The following TYRP1 variants were observed in gnomAD, a reference collection of about 807,000 sequenced individuals.
TYRP1 encodes 5,6-dihydroxyindole-2-carboxylic acid oxidase.
In TYRP1, 49 loss-of-function variants were observed where a neutral mutation model predicts 42.8. That is an observed-to-expected ratio of 1.14 (90% CI 0.91 to 1.45). The LOEUF (loss-of-function observed/expected upper bound fraction) is 1.45. Among genes scored for constraint, TYRP1 ranks in the 40% most tolerant of loss-of-function variants. The pLI, the probability that TYRP1 is intolerant of heterozygous loss-of-function variation, is 0.00. For missense variants in TYRP1, 848 were observed against 662.0 expected (o/e 1.28, Z -3.08); for synonymous variants, 279 against 235.4 (o/e 1.19, Z -1.69).
rs41303679 is a variant in TYRP1 at position 12,710,231 on chromosome 9, T to C, written c.*1049T>C. On this transcript the variant is annotated 3_prime_UTR_variant, in exon 8 of 8. Transcript: ENST00000388918. ...ACTGTATAAGGTGGTCATAAGTGAATATTTTAATTAAAATTGGTAAAAATA... is the reference window on the plus strand; with the variant it reads ...ACTGTATAAGGTGGTCATAAGTGAACATTTTAATTAAAATTGGTAAAAATA... The C allele has an allele frequency of 6.8e-6, 1 of 147,344 alleles. No homozygotes were observed. Among genetic ancestry groups the C allele is most frequent in the East Asian group, 1.9e-4 (1 of 5,154 alleles). 9.1% of individuals were successfully genotyped at this position (147,344 alleles called of 1,614,324 possible).
chr9:12,700,455 T>G (rs926058512), intron 4 of TYRP1: 2 of 152,044 alleles, frequency 1.3e-5, no homozygotes, highest in African/African-American at 4.8e-5. Flanking sequence ...CATCTTTGAA[T>G]CAACATAGAA....
At position 12,693,941 on chromosome 9, in the gene TYRP1, C is replaced by G. The variant is rs2118216418; in HGVS notation, c.-56C>G. 2 of 1,609,286 alleles carry G rather than the reference C, an allele frequency of 1.2e-6. No individual in the cohort carries two copies. On this transcript the variant is annotated 5_prime_UTR_variant, in exon 2 of 8. Coordinates refer to ENST00000388918, the MANE Select transcript of TYRP1 (RefSeq NM_000550.3). ...ATTTTCCTCTACGTGCTTCAGTCTT[C>G]TCTACACAAAGAGCTGCAAACCAGG...
chr9:12,694,204 G>A lies in TYRP1; in HGVS notation c.208G>A (p.Ala70Thr), dbSNP rs61752864. 667 of 1,613,666 alleles carry A rather than the reference G, an allele frequency of 4.1e-4. No individual in the cohort carries two copies. The highest frequency in any genetic ancestry group is 5.3e-4 in the Non-Finnish European group (622 of 1,179,912). Residue 70 changes from alanine (A) to threonine (T), a missense_variant, in exon 2 of 8, where the codon GCA becomes ACA. By Grantham distance (58) the Ala-to-Thr change is moderately conservative. Transcript: ENST00000388918. ...GAGGGGCAGATGTGAGGCAGTGACT[G>A]CAGACTCCCGGCCCCACAGCCCTCA... Reference protein sequence around the residue: ...SGRGRCEAVTADSRPHSPQYP... With the variant: ...SGRGRCEAVTTDSRPHSPQYP...
chr9:12,698,635 C>A lies in TYRP1; in HGVS notation c.893C>A (p.Thr298Asn). ...TGTGACTCCTTGGAAGATTATGATA[C>A]CCTGGGAACACTTTGTAACAGTAAG... ...VVCDSLEDYD[T>N]LGTLCNSTED... is the part of the protein sequence containing the mutation. Residue 298 changes from threonine (T) to asparagine (N), a missense_variant, in exon 4 of 8, where the codon ACC (threonine) becomes AAC (asparagine). By Grantham distance (65) the Thr-to-Asn change is moderately conservative (BLOSUM62 0). Coordinates refer to ENST00000388918, the MANE Select transcript of TYRP1 (RefSeq NM_000550.3). The A allele has an allele frequency of 6.2e-7, 1 of 1,613,598 alleles. No homozygotes were observed. Among genetic ancestry groups the A allele is most frequent in the Non-Finnish European group, 8.5e-7 (1 of 1,179,696 alleles).
intron 4 of TYRP1, among the ~76,000 whole-genome samples, chr9:12,700,828 G>A (rs1818154920): frequency 6.6e-6 from 1 of 152,044 alleles, no homozygotes; most frequent in South Asian, 2.1e-4. Context: ...AGTCTAGCTA[G>A]TGATGGTGAA....
At chr9:12,697,164 A>G (rs918673027) in intron 3 of TYRP1, among the ~76,000 whole-genome samples, 17 of 152,290 alleles carry the variant, frequency 1.1e-4, no homozygotes, top group Admixed American at 3.9e-4. Flanking sequence ...CATGCCTTCA[A>G]GTCATTTTCT....
intron 7 of TYRP1, 123 bp downstream of exon 7, chr9:12,708,266 G>A (rs535757072): frequency 3.3e-4 from 401 of 1,228,988 alleles, no homozygotes; most frequent in Non-Finnish European, 4.3e-4. Flanking sequence ...ACTTTCATTT[G>A]TACTTTTATT....
intron 3 of TYRP1, among the ~76,000 whole-genome samples, chr9:12,697,980 A>C (rs889723345): frequency 7.2e-5 from 11 of 152,242 alleles, no homozygotes; most frequent in Admixed American, 3.9e-4. Context: ...AAATTTAAAA[A>C]CAGAAGCAAA....
chr9:12,695,085 A>T (rs1157396962), intron 2 of TYRP1, among the ~76,000 whole-genome samples: 1 of 151,776 alleles, frequency 6.6e-6, no homozygotes, highest in African/African-American at 2.4e-5. Flanking sequence ...TTTAATGATT[A>T]AAAAAAAACT....
intron 5 of TYRP1, among the ~76,000 whole-genome samples, chr9:12,703,795 A>G (rs939478647): frequency 6.6e-6 from 1 of 151,788 alleles, no homozygotes; most frequent in Admixed American, 6.6e-5. Flanking sequence ...CCAATTAGAC[A>G]GCCTACATTA....
intron 5 of TYRP1, among the ~76,000 whole-genome samples, chr9:12,703,883 ATGTGTGTG>A (rs58360847): frequency 5.6e-5 from 8 of 143,528 alleles, no homozygotes; most frequent in South Asian, 4.4e-4. Flanking sequence ...ATATATATAT[ATGTGTGTG>A]TGTGTGTGTG....
At chr9:12,708,856 C>T in intron 7 of TYRP1, 121 bp from the exon 8 acceptor site, 1 of 947,392 alleles carries the variant, frequency 1.1e-6, no homozygotes, top group Non-Finnish European at 1.6e-6. Context: ...GCCATGTGGC[C>T]AATGTAAATT....
At chr9:12,704,453 A>AATC in intron 5 of TYRP1, 73 bp from the exon 6 acceptor site, 1 of 1,534,882 alleles carries the variant, frequency 6.5e-7, no homozygotes, top group Non-Finnish European at 8.9e-7. Context: ...TTCCCAATAT[A>AATC]ATCATTGCTA....
At chr9:12,696,533 T>C (rs1465062634) in intron 3 of TYRP1, among the ~76,000 whole-genome samples, 1 of 152,126 alleles carries the variant, frequency 6.6e-6, no homozygotes, top group Non-Finnish European at 1.5e-5. Context: ...GAAAAAAAGT[T>C]GAAAAATATC....
Position 12,698,542 on chromosome 9 carries a change from G to A in TYRP1, c.800G>A (p.Gly267Glu), listed in dbSNP as rs999232321. The change falls in exon 4 of 8, where the codon GGA becomes GAA. Residue 267 changes from glycine to glutamate, a missense_variant. Physicochemically the swap from Gly to Glu is moderately conservative, Grantham distance 98. Transcript: ENST00000388918. ...GATATCTGCACGGATGACTTGATGG[G>A]ATCCAGAAGCAACTTTGATTCCACT... ...VCDICTDDLM[G>E]SRSNFDSTLI... 2 of 1,613,772 alleles carry A rather than the reference G, an allele frequency of 1.2e-6. No homozygotes were observed. Among genetic ancestry groups the A allele is most frequent in the Non-Finnish European group, 1.7e-6 (2 of 1,179,822 alleles).
At position 12,709,377 on chromosome 9, in the gene TYRP1, C is replaced by T. The variant is rs935337985; in HGVS notation, c.*195C>T. On this transcript the variant is annotated 3_prime_UTR_variant, in exon 8 of 8. Transcript: ENST00000388918. Reference sequence around the variant, plus strand: ...AATCTTTTCAATGGGTTTTAATTTTCAGTTCTATTTAAAATGGTGAATGAC... The same window carrying T: ...AATCTTTTCAATGGGTTTTAATTTTTAGTTCTATTTAAAATGGTGAATGAC... 5.0e-6 allele frequency: 3 copies of T among 603,186 alleles called. No homozygotes were observed. Among genetic ancestry groups the T allele is most frequent in the Non-Finnish European group, 8.8e-6 (3 of 342,056 alleles). 37.4% of individuals were successfully genotyped at this position (603,186 alleles called of 1,614,324 possible). A position where few individuals can be genotyped will look rare whatever the true frequency, so the allele number is the denominator to read the frequency against.
At chr9:12,704,251 C>A (rs1345285040) in intron 5 of TYRP1, among the ~76,000 whole-genome samples, 3 of 151,804 alleles carry the variant, frequency 2.0e-5, no homozygotes, top group Non-Finnish European at 4.4e-5. Context: ...AATAGAGTGT[C>A]TATATATTTT....
intron 6 of TYRP1, among the ~76,000 whole-genome samples, chr9:12,705,107 T>C (rs890207214): frequency 6.6e-6 from 1 of 152,072 alleles, no homozygotes; most frequent in Admixed American, 6.6e-5. Context: ...ATACCCATAA[T>C]CCACAGTTCT....
rs759881199 is a variant in TYRP1 at position 12,694,191 on chromosome 9, T to A, written c.195T>A (p.Cys65Ter). Residue 65 changes from cysteine (C) to a stop codon, truncating the protein, a stop_gained, in exon 2 of 8, where the codon TGT (cysteine) becomes TGA (stop). Transcript: ENST00000388918. LOFTEE classifies it high-confidence loss of function. ...GCTCATCATCAGGGAGGGGCAGATG[T>A]GAGGCAGTGACTGCAGACTCCCGGC... is the stretch of plus-strand genomic sequence containing the variant. ...RCGSSSGRGR[C>*]EAVTADSRPH... 2.5e-6 allele frequency: 4 copies of A among 1,613,792 alleles called. No individual in the cohort carries two copies. The African/African-American group carries it at 4.0e-5, about 16-fold the overall frequency.
Sources: gnomAD v4.1 joint callset for allele counts (sites outside exome capture counted in the v4.1 genomes callset) on GRCh38, gnomAD v4.1.1 for gene constraint, MANE v1.5 for transcripts, NCBI Gene and HGNC (gene_info 2026-07-23, HGNC 2026-07-21) for gene names.